The following BRWD1 variants were observed in gnomAD, a reference collection of about 807,000 sequenced individuals.
BRWD1 encodes the protein bromodomain and WD repeat-containing protein 1.
BRWD1 carries 82 observed loss-of-function variants against 251.2 expected under a neutral mutation model. The ratio of observed to expected loss-of-function variants is 0.33; its 90% CI spans 0.27 to 0.39. The LOEUF (loss-of-function observed/expected upper bound fraction) is 0.39, where lower values mean the gene tolerates loss of function less well. Among genes scored for constraint, BRWD1 ranks in the 10% least tolerant of loss-of-function variants. The probability of loss-of-function intolerance (pLI) is 1.00; values close to 1 mark genes in which losing one functional copy is unlikely to be tolerated. For missense variants in BRWD1, 2,233 were observed against 2,711.6 expected, an observed-to-expected ratio of 0.82 and a Z score of 3.92; for synonymous variants, 918 against 902.8, an observed-to-expected ratio of 1.02 and a Z score of -0.30.
intron 23 of BRWD1, among the ~76,000 whole-genome samples, chr21:39,233,945 G>C (rs1000330008): frequency 6.6e-6 from 1 of 152,168 alleles, no homozygotes; most frequent in African/African-American, 2.4e-5. Context: ...GCTTGAACAC[G>C]GGAGGTGGAG....
At chr21:39,312,755 A>C in intron 4 of BRWD1, 86 bp downstream of exon 4, 2 of 1,121,624 alleles carry the variant, frequency 1.8e-6, no homozygotes, top group South Asian at 2.8e-5. Flanking sequence ...TTTGCACCCC[A>C]CGGGCCGGGG....
chr21:39,231,639 A>G (rs560953827), intron 25 of BRWD1, among the ~76,000 whole-genome samples: 2 of 152,302 alleles, frequency 1.3e-5, no homozygotes, highest in East Asian at 3.9e-4. Context: ...TATCCCCTAG[A>G]AAGCCTGGAC....
intron 4 of BRWD1, 172 bp downstream of exon 4, chr21:39,312,669 G>A (rs940471473): frequency 4.6e-6 from 2 of 432,188 alleles, no homozygotes; most frequent in African/African-American, 2.1e-5. Flanking sequence ...AACAAACCTG[G>A]CCGCCTCAAA....
rs766937547 is a variant in BRWD1, at chr21:39,196,788, C to T, written c.6281G>A (p.Arg2094His). The T allele has an allele frequency of 1.4e-5, 23 of 1,613,106 alleles. No homozygotes were observed. Among genetic ancestry groups the T allele is most frequent in the East Asian group, 4.5e-5 (2 of 44,894 alleles). The change falls in exon 41 of 41, where the codon CGC becomes CAC. Residue 2094 changes from arginine (R) to histidine (H), a missense_variant. This residue lies in a region of BRWD1 where 928 missense variants were observed against 970.0 expected (regional missense o/e 0.96). Transcript: ENST00000342449. Reference protein sequence around the residue: ...NFEVELNYGLRRWNGRRLRTY... With the variant: ...NFEVELNYGLHRWNGRRLRTY... ...CCTGAGTCTTCTGCCATTCCACCTG[C>T]GCAGCCCATAATTCAGTTCCACTTC...
intron 4 of BRWD1, among the ~76,000 whole-genome samples, chr21:39,311,628 T>C (rs1187732894): frequency 6.6e-6 from 1 of 152,232 alleles, no homozygotes; most frequent in African/African-American, 2.4e-5. Context: ...CCTTTAAATG[T>C]TTCCTCAACG....
At position 39,305,772 on chromosome 21, in the gene BRWD1, G is replaced by A. The variant is rs1437048400; in HGVS notation, c.198+7069C>T. Among the ~76,000 whole-genome samples the A allele has an allele frequency of 2.6e-5, 4 of 151,318 alleles. No homozygotes were observed. The South Asian group carries it at 6.3e-4, about 24-fold the overall frequency. On this transcript the variant is annotated intron_variant, in intron 4 of 40. Coordinates refer to ENST00000342449, the MANE Select transcript of BRWD1 (RefSeq NM_033656.4). Reference sequence around the variant, plus strand: ...CAGCTACTCAGGAGGGCTGAGGCAGGAGAATCACTTGAACCCAGGAGGCGG... The same window carrying A: ...CAGCTACTCAGGAGGGCTGAGGCAGAAGAATCACTTGAACCCAGGAGGCGG...
intron 8 of BRWD1, among the ~76,000 whole-genome samples, chr21:39,284,410 T>C (rs576686062): frequency 4.1e-4 from 62 of 152,238 alleles, no homozygotes; most frequent in Non-Finnish European, 7.4e-4. Flanking sequence ...GCTCATAAGT[T>C]TGAGGCCAAG....
chr21:39,236,501 G>A (rs2033815717), intron 23 of BRWD1, 94 bp downstream of exon 23: 4 of 1,148,802 alleles, frequency 3.5e-6, no homozygotes, highest in East Asian at 2.6e-5. Context: ...GCACCACTAT[G>A]CCAGTATCAC....
At position 39,301,978 on chromosome 21, in the gene BRWD1, GTTTTTTTTTT is replaced by G. The variant is rs750413248; in HGVS notation, c.199-3406_199-3397del. Among the ~76,000 whole-genome samples the G allele has an allele frequency of 3.8e-5, 3 of 79,866 alleles. No homozygotes were observed. The East Asian group carries it at 1.2e-3, about 32-fold the overall frequency. 52.4% of individuals were successfully genotyped at this position (79,866 alleles called of 152,430 possible). On this transcript the variant is annotated intron_variant, in intron 4 of 40. Coordinates refer to ENST00000342449, the MANE Select transcript of BRWD1 (RefSeq NM_033656.4). ...AAACCTTTGTTAAAAAGCTTTGTGT[GTTTTTTTTTT>G]TTTTTTTTTTTTTTGAGACAGTCTT...
intron 4 of BRWD1, among the ~76,000 whole-genome samples, chr21:39,307,961 C>T (rs6517541): frequency 0.93 from 140,901 of 152,214 alleles, 65,617 homozygotes; most frequent in African/African-American, 0.97. Context: ...GATTGATGAG[C>T]TACAGTCTAG....
chr21:39,301,044 T>A (rs927318272), intron 4 of BRWD1, among the ~76,000 whole-genome samples: 2 of 152,034 alleles, frequency 1.3e-5, no homozygotes, highest in African/African-American at 4.8e-5. Flanking sequence ...CCAGGCGTGG[T>A]GGCAGGTGCC....
At chr21:39,296,113 ATTTT>A in intron 6 of BRWD1, 148 bp downstream of exon 6, 1 of 636,094 alleles carries the variant, frequency 1.6e-6, no homozygotes, top group East Asian at 3.3e-5. Flanking sequence ...TTTAGTAATT[ATTTT>A]AACAATAATT....
At chr21:39,319,646 T>C (rs932140176) in intron 1 of BRWD1, among the ~76,000 whole-genome samples, 1 of 152,226 alleles carries the variant, frequency 6.6e-6, no homozygotes, top group Non-Finnish European at 1.5e-5. Flanking sequence ...TATTTAAGGA[T>C]CATGAGACAG....
rs2034331406 is a variant in BRWD1 at position 39,249,908 on chromosome 21, GAA to G, written c.2349+886_2349+887del. ...AATCACAGAACCAAGATCAAAAAAA[GAA>G]GGGGGGTGTGTGTGTGTGTGTGTGT... On this transcript the variant is annotated intron_variant, in intron 20 of 40. Transcript: ENST00000342449. Among the ~76,000 whole-genome samples the G allele has an allele frequency of 2.9e-5, 3 of 103,248 alleles. No individual in the cohort carries two copies. In the South Asian group the frequency reaches 1.3e-3, roughly 44 times the overall value. 67.7% of individuals were successfully genotyped at this position (103,248 alleles called of 152,430 possible). A position where few individuals can be genotyped will look rare whatever the true frequency, so the allele number is the denominator to read the frequency against.
intron 8 of BRWD1, among the ~76,000 whole-genome samples, chr21:39,288,636 A>G (rs967868616): frequency 1.1e-4 from 16 of 152,344 alleles, no homozygotes; most frequent in African/African-American, 3.8e-4. Context: ...CTATTGATAA[A>G]GCCTCACCAA....
intron 14 of BRWD1, 116 bp downstream of exon 14, chr21:39,270,167 C>A (rs1161578295): frequency 5.0e-6 from 6 of 1,198,890 alleles, no homozygotes; most frequent in Non-Finnish European, 5.5e-6. Flanking sequence ...AATTTCTAAT[C>A]ATTTCATAGT....
chr21:39,260,247 AAAG>A (rs774518469), intron 17 of BRWD1, among the ~76,000 whole-genome samples: 7 of 151,354 alleles, frequency 4.6e-5, no homozygotes, highest in East Asian at 1.9e-4. Flanking sequence ...GGAAAACGGC[AAAG>A]AAGATTTCTA....
At chr21:39,296,928 G>A (rs532521473) in intron 5 of BRWD1, 594 of 984,686 alleles carry the variant, frequency 6.0e-4, no homozygotes, top group Non-Finnish European at 7.0e-4. Context: ...GACTTGTTCA[G>A]TTTTAAAATT....
chr21:39,313,221 G>A lies in BRWD1; in HGVS notation c.108+20C>T, dbSNP rs760142132. 2 of 1,522,228 alleles carry A rather than the reference G, an allele frequency of 1.3e-6. No individual in the cohort carries two copies. Among genetic ancestry groups the A allele is most frequent in the East Asian group, 2.6e-5 (1 of 38,500 alleles). The allele number at this position is 1,522,228 out of a possible 1,614,324, so 94.3% of individuals were successfully genotyped here. A position where few individuals can be genotyped will look rare whatever the true frequency, so the allele number is the denominator to read the frequency against. The stretch of plus-strand genomic sequence containing the variant: ...CACTGGGGACGCCAAGTCCGCAGCC[G>A]CCCGCGGGCCCGCACTCACCTGGGC... On this transcript the variant is annotated intron_variant, in intron 2 of 40. Coordinates refer to ENST00000342449, the MANE Select transcript of BRWD1 (RefSeq NM_033656.4).
Sources: allele counts gnomAD v4.1 joint callset (sites outside exome capture counted in the v4.1 genomes callset), GRCh38; gene constraint gnomAD v4.1.1; regional missense constraint gnomAD v4.1.1; transcripts MANE v1.5; gene names NCBI Gene and HGNC (gene_info 2026-07-23, HGNC 2026-07-21).